The following GLRB variants were observed in gnomAD, a reference collection of about 807,000 sequenced individuals.
GLRB encodes the protein glycine receptor beta.
Under a neutral mutation model 54.2 loss-of-function variants are expected in GLRB, and 33 were observed. That is an observed-to-expected ratio of 0.61 (90% CI 0.46 to 0.81). The LOEUF (loss-of-function observed/expected upper bound fraction) is 0.81, where lower values mean the gene tolerates loss of function less well. Among genes scored for constraint, GLRB ranks in the 40% least tolerant of loss-of-function variants. The probability of loss-of-function intolerance (pLI) is 0.00; values close to 1 mark genes in which losing one functional copy is unlikely to be tolerated. For synonymous variants in GLRB, 209 were observed against 208.2 expected (o/e 1.00, Z -0.03); for missense variants, 572 against 584.6 (o/e 0.98, Z 0.22).
At chr4:157,101,352 A>G (rs1735018521) in intron 2 of GLRB, among the ~76,000 whole-genome samples, 1 of 152,128 alleles carries the variant, frequency 6.6e-6, no homozygotes. Context: ...AGTATATTCC[A>G]TATTTTATCT....
intron 2 of GLRB, among the ~76,000 whole-genome samples, chr4:157,082,219 C>T (rs1444824199): frequency 6.6e-6 from 1 of 152,190 alleles, no homozygotes; most frequent in Non-Finnish European, 1.5e-5. Context: ...TCAAACTTAA[C>T]TCAGACTCAA....
In GLRB at chr4:157,128,734, A is replaced by C. The variant is rs190231575; in HGVS notation, c.297+6337A>C. On this transcript the variant is annotated intron_variant, in intron 4 of 9. Transcript: ENST00000264428. ...CTTTAATTATAAACCTTGAAAAATGATATATTGAGAAAAATCACTACTATA... is the reference window on the plus strand; with the variant it reads ...CTTTAATTATAAACCTTGAAAAATGCTATATTGAGAAAAATCACTACTATA... Among the ~76,000 whole-genome samples, 9 of 151,950 alleles carry C rather than the reference A, an allele frequency of 5.9e-5. No individual in the cohort carries two copies. The East Asian group carries it at 1.8e-3, about 30-fold the overall frequency.
In GLRB at chr4:157,153,011, G is replaced by A; in HGVS notation, c.1197+1G>A. The A allele has an allele frequency of 1.2e-6, 2 of 1,611,288 alleles. No individual in the cohort carries two copies. Among genetic ancestry groups the A allele is most frequent in the Non-Finnish European group, 1.7e-6 (2 of 1,177,562 alleles). ...TCCTGTTCATATTAGCACTTTGCAG[G>A]TAAGGATAAAATTATGCCATGAAAT... On this transcript the variant is annotated splice_donor_variant, in intron 9 of 9. Transcript: ENST00000264428. LOFTEE classifies it high-confidence loss of function.
Position 157,138,936 on chromosome 4 carries a change from C to A in GLRB, c.738C>A (p.Tyr246Ter). 7.0e-7 allele frequency: 1 copy of A among 1,436,364 alleles called. No homozygotes were observed. The highest frequency in any genetic ancestry group is 9.8e-7 in the Non-Finnish European group (1 of 1,020,166). The allele number at this position is 1,436,364 out of a possible 1,614,324, so 89.0% of individuals were successfully genotyped here. A position where few individuals can be genotyped will look rare whatever the true frequency, so the allele number is the denominator to read the frequency against. The stretch of plus-strand genomic sequence containing the variant: ...TTGAATATGGTAACTGTACAAAATA[C>A]TATAAAGGCACGGGTAAGTAATATT... ...EDIEYGNCTK[Y>*]YKGTGYYTCV... The change falls in exon 7 of 10, where the codon TAC becomes TAA. Residue 246 changes from tyrosine to a stop codon, truncating the protein, a stop_gained. Transcript: ENST00000264428. LOFTEE classifies it high-confidence loss of function.
chr4:157,151,323 T>C (rs1015805436), intron 8 of GLRB, among the ~76,000 whole-genome samples: 1 of 152,070 alleles, frequency 6.6e-6, no homozygotes, highest in African/African-American at 2.4e-5. Context: ...TATAATCAAC[T>C]GTAGTTTAGG....
At chr4:157,122,524 A>T in intron 4 of GLRB, 127 bp downstream of exon 4, 1 of 417,370 alleles carries the variant, frequency 2.4e-6, no homozygotes. Flanking sequence ...TAAAATGTCC[A>T]AATTTCTAGA....
Position 157,161,023 on chromosome 4 carries a change from G to A in GLRB, c.1197+8013G>A, listed in dbSNP as rs987823712. Reference sequence around the variant, plus strand: ...TTATGAATCTGGGTGCTCCTGTATCGGGTGCCTATATATTCAGGATAGTTA... The same window carrying A: ...TTATGAATCTGGGTGCTCCTGTATCAGGTGCCTATATATTCAGGATAGTTA... On this transcript the variant is annotated intron_variant, in intron 9 of 9. Coordinates refer to ENST00000264428, the MANE Select transcript of GLRB (RefSeq NM_000824.5). Among the ~76,000 whole-genome samples, 15 of 152,064 alleles carry A rather than the reference G, an allele frequency of 9.9e-5. 1 individual carries two copies. Among genetic ancestry groups the A allele is most frequent in the Admixed American group, 6.5e-4 (10 of 15,272 alleles).
intron 2 of GLRB, among the ~76,000 whole-genome samples, chr4:157,098,189 TTCAATATCA>T (rs1734882871): frequency 6.6e-6 from 1 of 152,220 alleles, no homozygotes; most frequent in Non-Finnish European, 1.5e-5. Context: ...GATTCCTTTC[TTCAATATCA>T]TATCTGTGAG....
intron 2 of GLRB, among the ~76,000 whole-genome samples, chr4:157,118,064 G>C (rs925103235): frequency 6.6e-6 from 1 of 151,586 alleles, no homozygotes; most frequent in African/African-American, 2.4e-5. Context: ...GTGGAAGAAG[G>C]ACAAAATTTG....
At chr4:157,108,958 A>C (rs1377777825) in intron 2 of GLRB, among the ~76,000 whole-genome samples, 4 of 152,138 alleles carry the variant, frequency 2.6e-5, no homozygotes, top group Non-Finnish European at 5.9e-5. Flanking sequence ...CTCTTTTATC[A>C]GCAAAAAAGA....
At chr4:157,093,369 C>T (rs1734686218) in intron 2 of GLRB, among the ~76,000 whole-genome samples, 1 of 152,248 alleles carries the variant, frequency 6.6e-6, no homozygotes, top group East Asian at 1.9e-4. Flanking sequence ...GATTTATTTC[C>T]TTTCCATGCT....
Position 157,162,312 on chromosome 4 carries a change from A to C in GLRB, c.1198-8120A>C, listed in dbSNP as rs547386785. On this transcript the variant is annotated intron_variant, in intron 9 of 9. Transcript: ENST00000264428. ...TAGCTCAGAGAAGTTTATTACCACC[A>C]ATCATCTGAAGCCTTCTTCTCTCAA... is the stretch of plus-strand genomic sequence containing the variant. Among the ~76,000 whole-genome samples the C allele has an allele frequency of 9.0e-4, 136 of 151,944 alleles. 3 individuals carry two copies. The South Asian group carries it at 0.016, about 18-fold the overall frequency.
chr4:157,095,044 G>A (rs201440869), intron 2 of GLRB, among the ~76,000 whole-genome samples: 1 of 152,200 alleles, frequency 6.6e-6, no homozygotes, highest in East Asian at 1.9e-4. Flanking sequence ...TGGAGAACTA[G>A]AACTTTGGTC....
chr4:157,135,142 T>A (rs1285096422), intron 4 of GLRB, among the ~76,000 whole-genome samples: 2 of 152,112 alleles, frequency 1.3e-5, no homozygotes, highest in African/African-American at 4.8e-5. Context: ...GGGTCATTGA[T>A]CACAATAAAG....
At chr4:157,076,452 C>T (rs1261408494) in intron 1 of GLRB, 155 bp downstream of exon 1, 2 of 151,336 alleles carry the variant, frequency 1.3e-5, no homozygotes, top group East Asian at 3.9e-4. Flanking sequence ...AGGACGCGCG[C>T]TGCCCTGCGC....
At chr4:157,135,940 A>G (rs1483000658) in intron 4 of GLRB, among the ~76,000 whole-genome samples, 1 of 152,182 alleles carries the variant, frequency 6.6e-6, no homozygotes, top group East Asian at 1.9e-4. Context: ...AACGTTTGCC[A>G]CGTTGTATCT....
At chr4:157,118,760 A>C (rs574001505) in intron 2 of GLRB, among the ~76,000 whole-genome samples, 1 of 151,784 alleles carries the variant, frequency 6.6e-6, no homozygotes, top group East Asian at 1.9e-4. Context: ...AATGCCTAAT[A>C]GATAAAGACT....
chr4:157,150,815 T>G (rs1315243384), intron 8 of GLRB, among the ~76,000 whole-genome samples: 1 of 152,096 alleles, frequency 6.6e-6, no homozygotes, highest in Admixed American at 6.5e-5. Flanking sequence ...AAATGTTTTC[T>G]CTGCTTTTTT....
At chr4:157,127,993 C>T (rs1275620491) in intron 4 of GLRB, among the ~76,000 whole-genome samples, 1 of 151,650 alleles carries the variant, frequency 6.6e-6, no homozygotes, top group Non-Finnish European at 1.5e-5. Flanking sequence ...AATTTTTTTC[C>T]TTCTGAATTC....
Sources: gnomAD v4.1 joint callset for allele counts (sites outside exome capture counted in the v4.1 genomes callset) on GRCh38, gnomAD v4.1.1 for gene constraint, MANE v1.5 for transcripts, NCBI Gene and HGNC (gene_info 2026-07-23, HGNC 2026-07-21) for gene names.